The following GALNT18 variants were observed in gnomAD, a reference collection of about 807,000 sequenced individuals.
GALNT18 encodes GalNAc-transferase 18.
Under a neutral mutation model 69.5 loss-of-function variants are expected in GALNT18, and 44 were observed. The observed-to-expected ratio is 0.63, with a 90% CI of 0.50 to 0.81. The LOEUF (loss-of-function observed/expected upper bound fraction) is 0.81, where lower values mean the gene tolerates loss of function less well. Ranked by LOEUF, GALNT18 falls within the 40% of genes least tolerant of loss-of-function variation. The pLI is 0.00. For missense variants in GALNT18, 715 were observed against 810.0 expected (o/e 0.88, Z 1.42); for synonymous variants, 364 against 318.2 (o/e 1.14, Z -1.53).
At chr11:11,611,912 T>TA (rs1859913724) in intron 1 of GALNT18, among the ~76,000 whole-genome samples, 1 of 152,164 alleles carries the variant, frequency 6.6e-6, no homozygotes, top group African/African-American at 2.4e-5. Flanking sequence ...CTGCCCACCC[T>TA]ACCCTCCAGG....
chr11:11,547,654 A>C (rs1197363804), intron 1 of GALNT18, among the ~76,000 whole-genome samples: 1 of 152,188 alleles, frequency 6.6e-6, no homozygotes, highest in African/African-American at 2.4e-5. Flanking sequence ...CCTGCTCGAG[A>C]CCCTGCTACC....
At chr11:11,397,829 T>G (rs1285126240) in intron 3 of GALNT18, among the ~76,000 whole-genome samples, 4 of 152,134 alleles carry the variant, frequency 2.6e-5, no homozygotes, top group Non-Finnish European at 5.9e-5. Flanking sequence ...GATTCAAAAT[T>G]GCAGTTGATT....
rs1221110801 is a variant in GALNT18, at chr11:11,454,481, GAGA to G, written c.236-5548_236-5546del. Among the ~76,000 whole-genome samples the G allele has an allele frequency of 1.3e-5, 2 of 152,076 alleles. No homozygotes were observed. The highest frequency in any genetic ancestry group is 1.9e-4 in the East Asian group (1 of 5,184). ...AGGAAGATAAGGAGGGAGGCAGGGAGAGAAGGAGGCTGTGTCTTCTTCTTGCCT... is the reference window on the plus strand; with the variant it reads ...AGGAAGATAAGGAGGGAGGCAGGGAGAGGAGGCTGTGTCTTCTTCTTGCCT... On this transcript the variant is annotated intron_variant, in intron 1 of 10. Transcript: ENST00000227756. This position sits in a 1 kb window ranked among gnomAD's most constrained non-coding sequence, Gnocchi z 4.2.
At chr11:11,489,410 A>C (rs545703581) in intron 1 of GALNT18, among the ~76,000 whole-genome samples, 2 of 152,288 alleles carry the variant, frequency 1.3e-5, no homozygotes, top group South Asian at 4.1e-4. Flanking sequence ...AACCTCCCTG[A>C]GATAATAGTG....
At chr11:11,412,373 C>T (rs1854750945) in intron 3 of GALNT18, among the ~76,000 whole-genome samples, 1 of 152,198 alleles carries the variant, frequency 6.6e-6, no homozygotes, top group Non-Finnish European at 1.5e-5. Context: ...GACTATGCTT[C>T]AAAACTGCTG....
chr11:11,531,390 G>A (rs1206621081), intron 1 of GALNT18, among the ~76,000 whole-genome samples: 1 of 152,222 alleles, frequency 6.6e-6, no homozygotes, highest in Admixed American at 6.5e-5. Context: ...AGTCCTGAGT[G>A]CCCTGGAGGA....
Position 11,496,479 on chromosome 11 carries a change from G to A in GALNT18, c.236-47543C>T, listed in dbSNP as rs1422851366. On this transcript the variant is annotated intron_variant, in intron 1 of 10. Coordinates refer to ENST00000227756, the MANE Select transcript of GALNT18 (RefSeq NM_198516.3). This position sits in a 1 kb window ranked among gnomAD's most constrained non-coding sequence, Gnocchi z 4.0. ...GCTATCAACTCCAATAATGGGGCAT[G>A]CTGGAAAAATAAAACAGAAGATGGT... Among the ~76,000 whole-genome samples, 2 of 152,204 alleles carry A rather than the reference G, an allele frequency of 1.3e-5. No homozygotes were observed. Among genetic ancestry groups the A allele is most frequent in the Non-Finnish European group, 2.9e-5 (2 of 68,042 alleles).
intron 10 of GALNT18, among the ~76,000 whole-genome samples, chr11:11,289,441 C>T (rs1417308677): frequency 6.6e-6 from 1 of 152,150 alleles, no homozygotes; most frequent in Non-Finnish European, 1.5e-5. Context: ...GCCACAGATG[C>T]CTGCTTTGTT....
At chr11:11,554,803 A>G (rs1204654099) in intron 1 of GALNT18, among the ~76,000 whole-genome samples, 3 of 152,088 alleles carry the variant, frequency 2.0e-5, no homozygotes, top group African/African-American at 7.2e-5. Context: ...TACTTATGGA[A>G]AGTGTCAGGG....
chr11:11,363,520 T>C (rs1850688259), intron 6 of GALNT18, among the ~76,000 whole-genome samples: 5 of 152,152 alleles, frequency 3.3e-5, no homozygotes, highest in Admixed American at 3.3e-4. Flanking sequence ...GGGAATAAAA[T>C]AAACAGGTAC....
At chr11:11,284,943 G>T (rs76598555) in intron 10 of GALNT18, among the ~76,000 whole-genome samples, 2,906 of 85,980 alleles carry the variant, frequency 0.034, 192 homozygotes, top group East Asian at 0.24. Context: ...CTACTTGGGC[G>T]TTCTCTTTCT....
chr11:11,289,426 C>T (rs1359599580), intron 10 of GALNT18, among the ~76,000 whole-genome samples: 2 of 152,208 alleles, frequency 1.3e-5, no homozygotes, highest in South Asian at 2.1e-4. Flanking sequence ...ACCGAAGAGC[C>T]TTGTGCCACA....
rs1855479315 is a variant in GALNT18 at position 11,439,143 on chromosome 11, T to C, written c.429-6356A>G. ...CAATGGAGGGGTTGAATGTAGGAGATCCTAAGAAGATGATAAGTGAGGCGC... is the reference window on the plus strand; with the variant it reads ...CAATGGAGGGGTTGAATGTAGGAGACCCTAAGAAGATGATAAGTGAGGCGC... On this transcript the variant is annotated intron_variant, in intron 2 of 10. Coordinates refer to ENST00000227756, the MANE Select transcript of GALNT18 (RefSeq NM_198516.3). The surrounding 1 kb of genome is among the most constrained non-coding windows in gnomAD (Gnocchi z 4.4). 6.6e-6 allele frequency among the ~76,000 whole-genome samples: 1 copy of C among 152,040 alleles called. No homozygotes were observed. Among genetic ancestry groups the C allele is most frequent in the African/African-American group, 2.4e-5 (1 of 41,400 alleles).
chr11:11,436,779 A>G lies in GALNT18; in HGVS notation c.429-3992T>C, dbSNP rs1855412461. On this transcript the variant is annotated intron_variant, in intron 2 of 10. Coordinates refer to ENST00000227756, the MANE Select transcript of GALNT18 (RefSeq NM_198516.3). This position sits in a 1 kb window ranked among gnomAD's most constrained non-coding sequence, Gnocchi z 4.5. Reference sequence around the variant, plus strand: ...TCATGCCATCCTCATCACTGCAGACACTGAACTCAGGACAGAGGGCTTTGT... The same window carrying G: ...TCATGCCATCCTCATCACTGCAGACGCTGAACTCAGGACAGAGGGCTTTGT... Among the ~76,000 whole-genome samples, 1 of 152,222 alleles carries G rather than the reference A, an allele frequency of 6.6e-6. No individual in the cohort carries two copies. Among genetic ancestry groups the G allele is most frequent in the Non-Finnish European group, 1.5e-5 (1 of 68,032 alleles).
intron 9 of GALNT18, among the ~76,000 whole-genome samples, chr11:11,319,338 T>C (rs1237968827): frequency 6.6e-6 from 1 of 152,204 alleles, no homozygotes; most frequent in Admixed American, 6.5e-5. Flanking sequence ...TGGTGAAGAT[T>C]TGAAGATTAG....
chr11:11,392,973 C>T (rs549679456), intron 3 of GALNT18, among the ~76,000 whole-genome samples: 20 of 152,224 alleles, frequency 1.3e-4, no homozygotes, highest in African/African-American at 3.6e-4. Flanking sequence ...AGGTCCATGC[C>T]GACCTTTCTT....
chr11:11,420,381 G>A (rs1205487389), intron 3 of GALNT18, among the ~76,000 whole-genome samples: 2 of 152,160 alleles, frequency 1.3e-5, no homozygotes, highest in African/African-American at 4.8e-5. Context: ...GGCAGCAGCT[G>A]GGGTGGCTAC....
At chr11:11,608,154 A>T (rs1859798178) in intron 1 of GALNT18, among the ~76,000 whole-genome samples, 1 of 152,198 alleles carries the variant, frequency 6.6e-6, no homozygotes, top group Non-Finnish European at 1.5e-5. Flanking sequence ...CTTACGTGGG[A>T]AAGTCCCAAC....
At chr11:11,394,001 G>A (rs1274065077) in intron 3 of GALNT18, among the ~76,000 whole-genome samples, 2 of 149,616 alleles carry the variant, frequency 1.3e-5, no homozygotes, top group African/African-American at 2.5e-5. Context: ...GATGCCAAGC[G>A]GTGGAGACGG....
Sources: allele counts gnomAD v4.1 joint callset (sites outside exome capture counted in the v4.1 genomes callset), GRCh38; gene constraint gnomAD v4.1.1; non-coding constraint Gnocchi (gnomAD v3.1); transcripts MANE v1.5; gene names NCBI Gene and HGNC (gene_info 2026-07-23, HGNC 2026-07-21).